The following EBNA1BP2 variants were observed in gnomAD, a reference collection of about 807,000 sequenced individuals.
EBNA1BP2 encodes EBNA1 binding protein 2, also known as probable rRNA-processing protein EBP2.
In EBNA1BP2, 36 loss-of-function variants were observed where a neutral mutation model predicts 43.5. That is an observed-to-expected ratio of 0.83 (90% CI 0.63 to 1.09). The LOEUF (loss-of-function observed/expected upper bound fraction) is 1.09. Ranked by LOEUF, EBNA1BP2 falls within the 50% of genes least tolerant of loss-of-function variation. The pLI, the probability that EBNA1BP2 is intolerant of heterozygous loss-of-function variation, is 0.00. For synonymous variants in EBNA1BP2, 127 were observed against 141.3 expected (o/e 0.90, Z 0.72); for missense variants, 332 against 379.1 (o/e 0.88, Z 1.03).
At chr1:43,169,968 G>A (rs1004283184) in intron 4 of EBNA1BP2, among the ~76,000 whole-genome samples, 7 of 152,110 alleles carry the variant, frequency 4.6e-5, no homozygotes, top group African/African-American at 9.6e-5. Context: ...GATCTGAGAT[G>A]GAACGGTTTC....
At position 43,164,642 on chromosome 1, in the gene EBNA1BP2, C is replaced by T; in HGVS notation, c.870+1G>A. 1 of 1,614,190 alleles carries T rather than the reference C, an allele frequency of 6.2e-7. No individual in the cohort carries two copies. Among genetic ancestry groups the T allele is most frequent in the Non-Finnish European group, 8.5e-7 (1 of 1,180,020 alleles). On this transcript the variant is annotated splice_donor_variant, in intron 8 of 8. Coordinates refer to ENST00000236051, the MANE Select transcript of EBNA1BP2 (RefSeq NM_006824.3). LOFTEE classifies it high-confidence loss of function. ...TCACCCGGGCACCTGGGCTCACTTA[C>T]ATTTGACCCTTTCTTGCCAGGCCTC...
intron 5 of EBNA1BP2, 59 bp downstream of exon 5, chr1:43,168,880 G>GCAATCTCATCTAA: frequency 6.4e-7 from 1 of 1,553,812 alleles, no homozygotes; most frequent in Non-Finnish European, 8.9e-7. Context: ...TCAGACCACG[G>GCAATCTCATCTAA]CAATCTCATC....
rs1284050786 is a variant in EBNA1BP2, at chr1:43,172,219, C to T, written c.-101G>A. 2 of 1,580,076 alleles carry T rather than the reference C, an allele frequency of 1.3e-6. No homozygotes were observed. Among genetic ancestry groups the T allele is most frequent in the African/African-American group, 2.7e-5 (2 of 74,028 alleles). ...CCTGGCCGCTGCTGCCTGCCTTCAG[C>T]CCCCTACTCCCACGCCGTGGCTCCA... On this transcript the variant is annotated 5_prime_UTR_variant, in exon 1 of 9. Transcript: ENST00000236051.
intron 2 of EBNA1BP2, 84 bp downstream of exon 2, chr1:43,171,802 G>A (rs1188454176): frequency 6.3e-7 from 1 of 1,579,704 alleles, no homozygotes; most frequent in African/African-American, 1.3e-5. Flanking sequence ...CATCTTTCCT[G>A]GGACAAGAAT....
At chr1:43,165,683 A>ACTG (rs1644913489) in intron 7 of EBNA1BP2, among the ~76,000 whole-genome samples, 1 of 152,106 alleles carries the variant, frequency 6.6e-6, no homozygotes. Flanking sequence ...GACAAAGCCC[A>ACTG]AGCTCCTCAA....
rs769299054 is a variant in EBNA1BP2, at chr1:43,166,914, A to C, written c.619T>G (p.Ser207Ala). 6.2e-7 allele frequency: 1 copy of C among 1,612,098 alleles called. No homozygotes were observed. Among genetic ancestry groups the C allele is most frequent in the Non-Finnish European group, 8.5e-7 (1 of 1,179,416 alleles). Reference sequence around the variant, plus strand: ...CCCTCAAGGAAATCCAGTTTATCAGAGAAGCCTGTAAGTGAAGAAGTAGTT... The same window carrying C: ...CCCTCAAGGAAATCCAGTTTATCAGCGAAGCCTGTAAGTGAAGAAGTAGTT... ...NAIKKYQKGF[S>A]DKLDFLEGDQ... The change falls in exon 7 of 9, where the codon TCT becomes GCT. Residue 207 changes from serine (S) to alanine (A), a missense_variant. Physicochemically the swap from Ser to Ala is moderately conservative, Grantham distance 99. Coordinates refer to ENST00000236051, the MANE Select transcript of EBNA1BP2 (RefSeq NM_006824.3).
At position 43,170,211 on chromosome 1, in the gene EBNA1BP2, G is replaced by A. The variant is rs555062373; in HGVS notation, c.447+545C>T. On this transcript the variant is annotated intron_variant, in intron 4 of 8. Transcript: ENST00000236051. ...CCCCAATATTTTTGATCCAAGGTTG[G>A]TTGAATCCACAGATGCTGAACCCAT... Among the ~76,000 whole-genome samples, 41 of 152,146 alleles carry A rather than the reference G, an allele frequency of 2.7e-4. 1 individual carries two copies. The South Asian group carries it at 8.5e-3, about 32-fold the overall frequency.
Position 43,166,863 on chromosome 1 carries a change from T to C in EBNA1BP2, c.670A>G (p.Lys224Glu), listed in dbSNP as rs757420983. The change falls in exon 7 of 9, where the codon AAG becomes GAG. Residue 224 changes from lysine to glutamate, a missense_variant. By Grantham distance (56) the Lys-to-Glu change is moderately conservative (BLOSUM62 1). Transcript: ENST00000236051. ...TGCTGGCCTTTGGCTCCTGCCTTCTTGCGCTGTGCCAGAGGTTTCTGATCT... is the reference window on the plus strand; with the variant it reads ...TGCTGGCCTTTGGCTCCTGCCTTCTCGCGCTGTGCCAGAGGTTTCTGATCT... Reference protein sequence around the residue: ...EGDQKPLAQRKKAGAKGQQMR... With the variant: ...EGDQKPLAQREKAGAKGQQMR... The C allele has an allele frequency of 2.1e-5, 34 of 1,612,760 alleles. No homozygotes were observed. Among genetic ancestry groups the C allele is most frequent in the Non-Finnish European group, 2.8e-5 (33 of 1,179,604 alleles).
chr1:43,172,174 A>G lies in EBNA1BP2; in HGVS notation c.-56T>C, dbSNP rs11559314. 0.026 allele frequency: 41,311 copies of G among 1,610,968 alleles called. 671 individuals are homozygous for G. Among genetic ancestry groups the G allele is most frequent in the Non-Finnish European group, 0.031 (36,030 of 1,178,414 alleles). ...AAGAAACGGGGTATCCCGAGACCCA[A>G]GCGGCTAGCAGAGGGCGGCCCTGGC... On this transcript the variant is annotated 5_prime_UTR_variant, in exon 1 of 9. Coordinates refer to ENST00000236051, the MANE Select transcript of EBNA1BP2 (RefSeq NM_006824.3).
intron 6 of EBNA1BP2, 59 bp downstream of exon 6, chr1:43,167,101 T>C: frequency 3.8e-6 from 6 of 1,569,196 alleles, no homozygotes; most frequent in Non-Finnish European, 4.4e-6. Flanking sequence ...AAGCACTAAG[T>C]GTTCAAATCA....
Position 43,164,418 on chromosome 1 carries a change from G to T in EBNA1BP2, c.*25C>A. 6.2e-7 allele frequency: 1 copy of T among 1,613,716 alleles called. No homozygotes were observed. Among genetic ancestry groups the T allele is most frequent in the Non-Finnish European group, 8.5e-7 (1 of 1,179,742 alleles). On this transcript the variant is annotated 3_prime_UTR_variant, in exon 9 of 9. Coordinates refer to ENST00000236051, the MANE Select transcript of EBNA1BP2 (RefSeq NM_006824.3). ...TTGCGAGTCTTCATTCCTTTTTCTT[G>T]GTTCTTTGTATTCAAAGATGCTATT...
chr1:43,170,862 G>T lies in EBNA1BP2; in HGVS notation c.341C>A (p.Ala114Asp), dbSNP rs764722816. Residue 114 changes from alanine to aspartate, a missense_variant, in exon 4 of 9, where the codon GCC becomes GAC. Ala to Asp is a moderately radical substitution (Grantham distance 126). Around this residue, in one of 3 missense-constraint regions of EBNA1BP2, gnomAD observed 182 missense variants for 173.7 expected, o/e 1.05. Transcript: ENST00000236051. ...REMSFYRQAQ[A>D]AVLAVLPRLH... Reference sequence around the variant, plus strand: ...GCGGGGTAAGACTGCAAGCACTGCGGCCTGGGCTTGGCGATAGCTGAGAAT... The same window carrying T: ...GCGGGGTAAGACTGCAAGCACTGCGTCCTGGGCTTGGCGATAGCTGAGAAT... The T allele has an allele frequency of 6.3e-7, 1 of 1,584,438 alleles. No homozygotes were observed. Among genetic ancestry groups the T allele is most frequent in the South Asian group, 1.2e-5 (1 of 85,342 alleles).
Position 43,172,227 on chromosome 1 carries a change from T to G in EBNA1BP2, c.-109A>C. 6.4e-7 allele frequency: 1 copy of G among 1,572,690 alleles called. No homozygotes were observed. The highest frequency in any genetic ancestry group is 1.1e-5 in the South Asian group (1 of 87,224). On this transcript the variant is annotated 5_prime_UTR_variant, in exon 1 of 9. Coordinates refer to ENST00000236051, the MANE Select transcript of EBNA1BP2 (RefSeq NM_006824.3). ...CTGCTGCCTGCCTTCAGCCCCCTACTCCCACGCCGTGGCTCCACGTGCCAC... is the reference window on the plus strand; with the variant it reads ...CTGCTGCCTGCCTTCAGCCCCCTACGCCCACGCCGTGGCTCCACGTGCCAC...
rs1644936560 is a variant in EBNA1BP2 at position 43,169,101 on chromosome 1, G to A, written c.448-73C>T. On this transcript the variant is annotated intron_variant, in intron 4 of 8. Transcript: ENST00000236051. ...CCACTACTTAGGATTCGCTAGAGCA[G>A]GGAACAGATATTCCCTGTTCTTTAA... 4 of 1,471,864 alleles carry A rather than the reference G, an allele frequency of 2.7e-6. No homozygotes were observed. The South Asian group carries it at 4.5e-5, about 17-fold the overall frequency. The allele number at this position is 1,471,864 out of a possible 1,614,324, so 91.2% of individuals were successfully genotyped here.
At chr1:43,166,017 G>A (rs1484290080) in intron 7 of EBNA1BP2, among the ~76,000 whole-genome samples, 1 of 152,060 alleles carries the variant, frequency 6.6e-6, no homozygotes, top group Non-Finnish European at 1.5e-5. Context: ...TATCTTACAT[G>A]GAAATTATCA....
chr1:43,167,957 G>A (rs1644929742), intron 5 of EBNA1BP2, among the ~76,000 whole-genome samples: 1 of 151,952 alleles, frequency 6.6e-6, no homozygotes, highest in Non-Finnish European at 1.5e-5. Flanking sequence ...GAAAACTCTT[G>A]GGGAGCAAAT....
intron 5 of EBNA1BP2, among the ~76,000 whole-genome samples, chr1:43,167,724 G>GA (rs1304058122): frequency 6.6e-6 from 1 of 152,094 alleles, no homozygotes; most frequent in African/African-American, 2.4e-5. Flanking sequence ...GTAAAGAAAA[G>GA]AAAAAAGTTT....
intron 7 of EBNA1BP2, among the ~76,000 whole-genome samples, chr1:43,165,524 C>T (rs1263885194): frequency 3.3e-5 from 5 of 152,190 alleles, no homozygotes; most frequent in African/African-American, 7.2e-5. Flanking sequence ...ATCCTTATCT[C>T]GACTTTTGCA....
Position 43,171,948 on chromosome 1 carries a change from C to T in EBNA1BP2, c.88G>A (p.Gly30Arg), listed in dbSNP as rs1405131460. 4.3e-6 allele frequency: 7 copies of T among 1,614,198 alleles called. No individual in the cohort carries two copies. Among genetic ancestry groups the T allele is most frequent in the Non-Finnish European group, 5.9e-6 (7 of 1,180,018 alleles). Residue 30 changes from glycine (G) to arginine (R), a missense_variant, in exon 2 of 9, where the codon GGG becomes AGG. By Grantham distance (125) the Gly-to-Arg change is moderately radical (BLOSUM62 -2). Coordinates refer to ENST00000236051, the MANE Select transcript of EBNA1BP2 (RefSeq NM_006824.3). The stretch of plus-strand genomic sequence containing the variant: ...ACATTGAGGCCTGGCTTCAGAAGCC[C>T]TCGGGAAAACGCATCCTGCAACTGC... ...DRELQDAFSRGLLKPGLNVVL... is the reference protein window; with the variant it reads ...DRELQDAFSRRLLKPGLNVVL...
Sources: gnomAD v4.1 joint callset for allele counts (sites outside exome capture counted in the v4.1 genomes callset) on GRCh38, gnomAD v4.1.1 for gene constraint, gnomAD v4.1.1 regional missense constraint, MANE v1.5 for transcripts, NCBI Gene and HGNC (gene_info 2026-07-23, HGNC 2026-07-21) for gene names.